Variants in ITPK1 observed in about 807,000 individuals in gnomAD.
ITPK1 encodes inositol 1,3,4-trisphosphate 5/6-kinase.
A neutral mutation model predicts 45.3 loss-of-function variants in ITPK1; 21 were observed. That is an observed-to-expected ratio of 0.46 (90% confidence interval 0.33 to 0.67). The LOEUF (loss-of-function observed/expected upper bound fraction) is 0.67, where lower values mean the gene tolerates loss of function less well. Among genes scored for constraint, ITPK1 ranks in the 30% least tolerant of loss-of-function variants. ITPK1 has a pLI of 0.02. For synonymous variants in ITPK1, 258 were observed against 253.6 expected, an observed-to-expected ratio of 1.02 and a Z score of -0.16; for missense variants, 474 against 573.5, an observed-to-expected ratio of 0.83 and a Z score of 1.77.
intron 8 of ITPK1, among the ~76,000 whole-genome samples, chr14:92,955,541 G>A (rs952343196): frequency 6.6e-5 from 10 of 152,184 alleles, no homozygotes; most frequent in African/African-American, 2.2e-4. Context: ...CTGTGAATGC[G>A]AACCACAGGC....
In ITPK1 at chr14:92,939,983, G is replaced by A; in HGVS notation, c.*1578C>T. 2 of 985,890 alleles carry A rather than the reference G, an allele frequency of 2.0e-6. No individual in the cohort carries two copies. Among genetic ancestry groups the A allele is most frequent in the Non-Finnish European group, 2.4e-6 (2 of 829,954 alleles). 61.1% of individuals were successfully genotyped at this position (985,890 alleles called of 1,614,324 possible). On this transcript the variant is annotated 3_prime_UTR_variant, in exon 11 of 11. Transcript: ENST00000267615. ...AGGTGACGTACAGACATTAATCGGGGTTCAAAACTCAAGTCGTGTAAACGT... is the reference window on the plus strand; with the variant it reads ...AGGTGACGTACAGACATTAATCGGGATTCAAAACTCAAGTCGTGTAAACGT...
rs553816959 is a variant in ITPK1 at position 93,076,880 on chromosome 14, T to A, written c.96-261A>T. Among the ~76,000 whole-genome samples, 1 of 152,034 alleles carries A rather than the reference T, an allele frequency of 6.6e-6. No homozygotes were observed. Among genetic ancestry groups the A allele is most frequent in the African/African-American group, 2.4e-5 (1 of 41,386 alleles). The stretch of plus-strand genomic sequence containing the variant: ...GGAGGCCCCACGCCAGCCACCTCCC[T>A]CCACTCCTGGGCCGGGCCTCTGTCA... On this transcript the variant is annotated intron_variant, in intron 2 of 10. Transcript: ENST00000267615. This position sits in a 1 kb window ranked among gnomAD's most constrained non-coding sequence, Gnocchi z 4.3.
chr14:93,055,337 G>A (rs1397608252), intron 3 of ITPK1, among the ~76,000 whole-genome samples: 2 of 152,128 alleles, frequency 1.3e-5, no homozygotes, highest in Non-Finnish European at 2.9e-5. Flanking sequence ...TGGAGGATTT[G>A]CAGGGCCAAA....
At chr14:93,089,220 T>C (rs1326233496) in intron 2 of ITPK1, among the ~76,000 whole-genome samples, 4 of 152,122 alleles carry the variant, frequency 2.6e-5, no homozygotes, top group African/African-American at 9.7e-5. Context: ...AGGCCTGCAG[T>C]GAAGGGCCCG....
chr14:92,957,497 CG>C (rs1323673777), intron 8 of ITPK1, among the ~76,000 whole-genome samples: 1 of 152,174 alleles, frequency 6.6e-6, no homozygotes, highest in Non-Finnish European at 1.5e-5. Flanking sequence ...GAGCAGCTGG[CG>C]GAAGGAAGGC....
chr14:92,998,401 C>A (rs1335240392), intron 4 of ITPK1, among the ~76,000 whole-genome samples: 1 of 152,206 alleles, frequency 6.6e-6, no homozygotes, highest in Non-Finnish European at 1.5e-5. Context: ...GGGTGCAACA[C>A]AACCTCCCAA....
chr14:93,019,406 G>A (rs528535736), intron 3 of ITPK1, among the ~76,000 whole-genome samples: 28 of 152,318 alleles, frequency 1.8e-4, no homozygotes, highest in African/African-American at 6.3e-4. Flanking sequence ...TAAGCTCTCC[G>A]CATCCCCGGC....
In ITPK1 at chr14:93,016,446, T is replaced by C. The variant is rs893755954; in HGVS notation, c.246+230A>G. On this transcript the variant is annotated intron_variant, in intron 4 of 10. Transcript: ENST00000267615. This position sits in a 1 kb window ranked among gnomAD's most constrained non-coding sequence, Gnocchi z 5.0. ...AAACCGTGTCTACACAGCCAGGGGGTGGAGACGGCCCAACCATGCCCTGGT... is the reference window on the plus strand; with the variant it reads ...AAACCGTGTCTACACAGCCAGGGGGCGGAGACGGCCCAACCATGCCCTGGT... Among the ~76,000 whole-genome samples the C allele has an allele frequency of 2.6e-5, 4 of 151,810 alleles. No homozygotes were observed. Among genetic ancestry groups the C allele is most frequent in the African/African-American group, 9.7e-5 (4 of 41,290 alleles).
rs1187758336 is a variant in ITPK1, at chr14:93,075,351, AAAAAAAAAAAG to A, written c.120+1233_120+1243del. Among the ~76,000 whole-genome samples, 369 of 145,882 alleles carry A rather than the reference AAAAAAAAAAAG, an allele frequency of 2.5e-3. 8 individuals carry two copies. Among genetic ancestry groups the A allele is most frequent in the African/African-American group, 9.4e-3 (351 of 37,258 alleles). On this transcript the variant is annotated intron_variant, in intron 3 of 10. Coordinates refer to ENST00000267615, the MANE Select transcript of ITPK1 (RefSeq NM_014216.6). ...CAAAAAAAAAAAAAAAAAAAAAAAA[AAAAAAAAAAAG>A]GAAGAGAAAAAAGAAAAATCTAGTG...
At chr14:92,972,619 C>T (rs1424561644) in intron 5 of ITPK1, among the ~76,000 whole-genome samples, 1 of 152,198 alleles carries the variant, frequency 6.6e-6, no homozygotes, top group Non-Finnish European at 1.5e-5. Flanking sequence ...GACAGAGTCT[C>T]ACTCTGTCAC....
chr14:93,098,073 C>T (rs1440462151), intron 2 of ITPK1, among the ~76,000 whole-genome samples: 2 of 151,672 alleles, frequency 1.3e-5, no homozygotes, highest in Admixed American at 6.6e-5. Flanking sequence ...AATCCCACCA[C>T]TTTGGGAGGC....
rs577837825 is a variant in ITPK1 at position 93,047,224 on chromosome 14, G to GT, written c.120+29370dup. On this transcript the variant is annotated intron_variant, in intron 3 of 10. Transcript: ENST00000267615. ...CCTTCCTCCCCGACGTTTAAGCCACGTAACTCCAGGGGGTTGACCCACACT... is the reference window on the plus strand; with the variant it reads ...CCTTCCTCCCCGACGTTTAAGCCACGTTAACTCCAGGGGGTTGACCCACACT... Among the ~76,000 whole-genome samples the GT allele has an allele frequency of 5.2e-3, 797 of 152,276 alleles. 3 individuals are homozygous for GT. The highest frequency in any genetic ancestry group is 0.018 in the African/African-American group (728 of 41,522).
chr14:92,947,073 C>T (rs527914874), intron 9 of ITPK1, among the ~76,000 whole-genome samples: 86 of 152,312 alleles, frequency 5.6e-4, no homozygotes, highest in African/African-American at 1.8e-3. Context: ...GGCGCAGAGC[C>T]GGGCACAAGT....
chr14:93,057,728 GCGGCCCCAGC>G (rs1326133064), intron 3 of ITPK1, among the ~76,000 whole-genome samples: 4 of 152,174 alleles, frequency 2.6e-5, no homozygotes, highest in Admixed American at 2.6e-4. Context: ...CCAGTCTCCT[GCGGCCCCAGC>G]CTGCAGCACA....
At position 93,101,126 on chromosome 14, in the gene ITPK1, C is replaced by G. The variant is rs1043271913; in HGVS notation, c.95+13943G>C. 2.2e-4 allele frequency among the ~76,000 whole-genome samples: 33 copies of G among 152,264 alleles called. 1 individual carries two copies. The highest frequency in any genetic ancestry group is 7.7e-4 in the African/African-American group (32 of 41,548). On this transcript the variant is annotated intron_variant, in intron 2 of 10. Coordinates refer to ENST00000267615, the MANE Select transcript of ITPK1 (RefSeq NM_014216.6). Reference sequence around the variant, plus strand: ...CGGGATGGGGTCCACCAATCATGGCCCAGAACAGAACACACCCTCGCCTCT... The same window carrying G: ...CGGGATGGGGTCCACCAATCATGGCGCAGAACAGAACACACCCTCGCCTCT...
chr14:93,019,021 C>T (rs11628021), intron 3 of ITPK1, among the ~76,000 whole-genome samples: 24,063 of 152,146 alleles, frequency 0.16, 2,291 homozygotes, highest in African/African-American at 0.27. Flanking sequence ...AATACCTCTT[C>T]CCAGAAAAAG....
intron 8 of ITPK1, 79 bp from the exon 9 acceptor site, chr14:92,952,092 A>G: frequency 8.8e-7 from 1 of 1,133,036 alleles, no homozygotes; most frequent in Non-Finnish European, 1.3e-6. Context: ...ACCAGGGGGC[A>G]GCATCACCCC....
intron 2 of ITPK1, among the ~76,000 whole-genome samples, chr14:93,099,576 G>A (rs1892229082): frequency 1.3e-5 from 2 of 152,142 alleles, no homozygotes; most frequent in Non-Finnish European, 2.9e-5. Context: ...GCTGGCTGCT[G>A]GGCGCAGCCA....
intron 3 of ITPK1, among the ~76,000 whole-genome samples, chr14:93,018,465 T>C (rs532435155): frequency 6.6e-6 from 1 of 152,312 alleles, no homozygotes; most frequent in African/African-American, 2.4e-5. Flanking sequence ...AGCTCTTGTC[T>C]GCTGGTGTCT....
Sources: allele counts gnomAD v4.1 joint callset (sites outside exome capture counted in the v4.1 genomes callset), GRCh38; gene constraint gnomAD v4.1.1; non-coding constraint Gnocchi (gnomAD v3.1); transcripts MANE v1.5; gene names NCBI Gene and HGNC (gene_info 2026-07-23, HGNC 2026-07-21).